BPIFB3: variants seen among roughly 807,000 people sequenced by gnomAD.
BPIFB3 encodes BPI fold containing family B member 3, also known as BPI fold-containing family B member 3.
Under a neutral mutation model 53.1 loss-of-function variants are expected in BPIFB3, and 49 were observed. The observed-to-expected ratio is 0.92, with a 90% CI of 0.73 to 1.17. The LOEUF (loss-of-function observed/expected upper bound fraction) is 1.17, where lower values mean the gene tolerates loss of function less well. Among genes scored for constraint, BPIFB3 ranks in the 50% most tolerant of loss-of-function variants. BPIFB3 has a pLI of 0.00. For synonymous variants in BPIFB3, 271 were observed against 269.6 expected, an observed-to-expected ratio of 1.01 and a Z score of -0.05; for missense variants, 628 against 592.5, an observed-to-expected ratio of 1.06 and a Z score of -0.62.
chr20:33,068,690 C>G (rs952623201), intron 9 of BPIFB3, 113 bp from the exon 11 acceptor site: 17 of 1,124,228 alleles, frequency 1.5e-5, no homozygotes, highest in Admixed American at 7.0e-5. Context: ...CAGGCTGTAA[C>G]CTCGTTGCCC....
At chr20:33,056,601 G>C in exon 2 of BPIFB3, 1 of 1,614,036 alleles carries the variant, frequency 6.2e-7, no homozygotes, top group Non-Finnish European at 8.5e-7. Flanking sequence ...ATCGGTCACA[G>C]CTGTGAACCG....
At chr20:33,063,478 TTCTG>T (rs1455288552) in intron 5 of BPIFB3, 133 bp from the exon 7 acceptor site, 1 of 888,776 alleles carries the variant, frequency 1.1e-6, no homozygotes, top group South Asian at 1.5e-5. Flanking sequence ...CCTGTGTGTC[TTCTG>T]TCTGTCTCTG....
chr20:33,069,886 A>T lies in BPIFB3; in HGVS notation c.1150-2A>T. ...TGACTTCTGCCTGCTTTGCCCATGC[A>T]GGTCATGACTGTGCGTGCCCAGCTG... On this transcript the variant is annotated splice_acceptor_variant, in intron 10 of 14. Coordinates refer to ENST00000375494, the Ensembl canonical transcript of BPIFB3. LOFTEE classifies it high-confidence loss of function. 6.2e-7 allele frequency: 1 copy of T among 1,614,204 alleles called. No homozygotes were observed. Among genetic ancestry groups the T allele is most frequent in the Non-Finnish European group, 8.5e-7 (1 of 1,180,026 alleles).
At chr20:33,069,003 G>A (rs199537029) in intron 10 of BPIFB3, 30 bp downstream of exon 11, 87 of 1,599,306 alleles carry the variant, frequency 5.4e-5, no homozygotes, top group Admixed American at 2.0e-4. Context: ...CTGGGGGCCC[G>A]GCATTGGGGT....
intron 13 of BPIFB3, 72 bp from the exon 15 acceptor site, chr20:33,072,645 G>C (rs952816293): frequency 7.0e-6 from 9 of 1,282,128 alleles, no homozygotes; most frequent in Admixed American, 3.4e-5. Context: ...GGGTCAGCAG[G>C]GTCCGAGGGT....
chr20:33,060,025 T>C, exon 4 of BPIFB3: 1 of 1,613,814 alleles, frequency 6.2e-7, no homozygotes, highest in South Asian at 1.1e-5. Flanking sequence ...ATCAGCCTGT[T>C]CTCAGGGTGA....
chr20:33,071,984 G>C, intron 12 of BPIFB3, 120 bp from the exon 14 acceptor site: 1 of 1,003,040 alleles, frequency 1.0e-6, no homozygotes, highest in South Asian at 1.4e-5. Flanking sequence ...TGTGTCCTCA[G>C]GCTTGGGGGA....
At chr20:33,056,782 T>C in intron 2 of BPIFB3, 84 bp downstream of exon 3, 1 of 1,463,126 alleles carries the variant, frequency 6.8e-7, no homozygotes, top group Non-Finnish European at 9.1e-7. Flanking sequence ...TTGTAATTTG[T>C]CCAATAGGCA....
At chr20:33,056,442 A>G (rs545995052) in intron 1 of BPIFB3, 100 bp from the exon 3 acceptor site, 47 of 1,447,268 alleles carry the variant, frequency 3.2e-5, no homozygotes, top group Non-Finnish European at 4.4e-5. Flanking sequence ...TCCATTTTTA[A>G]AAAGAAGCCT....
chr20:33,059,479 C>T, exon 3 of BPIFB3: 1 of 1,608,664 alleles, frequency 6.2e-7, no homozygotes, highest in Middle Eastern at 1.7e-4. Flanking sequence ...ATGCATTGCT[C>T]TGGGTGAGTG....
intron 2 of BPIFB3, among the ~76,000 whole-genome samples, chr20:33,058,407 C>T (rs1040447359): frequency 1.3e-5 from 2 of 152,114 alleles, no homozygotes; most frequent in African/African-American, 4.8e-5. Context: ...TGTGACTAGC[C>T]CAAGCCCATC....
rs745573511 is a variant in BPIFB3 at position 33,064,570 on chromosome 20, T to G, written c.744+22T>G. The G allele has an allele frequency of 1.3e-5, 21 of 1,612,910 alleles. 1 individual carries two copies. In the South Asian group the frequency reaches 2.3e-4, roughly 18 times the overall value. On this transcript the variant is annotated intron_variant, in intron 7 of 14. Coordinates refer to ENST00000375494, the Ensembl canonical transcript of BPIFB3. ...CAACGTGAGTAACCAGAGGGGCCTC[T>G]CCTCCTGCTGGGGGTGGCTAGATAG...
chr20:33,055,362 G>T, upstream of BPIFB3: 1 of 1,595,058 alleles, frequency 6.3e-7, no homozygotes, highest in South Asian at 1.1e-5. Flanking sequence ...AATGGGAACA[G>T]AGAGGGGAAA....
At chr20:33,072,829 T>C in intron 14 of BPIFB3, 36 bp downstream of exon 15, 1 of 1,527,844 alleles carries the variant, frequency 6.5e-7, no homozygotes, top group Non-Finnish European at 9.1e-7. Flanking sequence ...CAGGTGGGCC[T>C]TAAGCTTGTC....
chr20:33,055,524 T>C, exon 1 of BPIFB3: 1 of 1,613,652 alleles, frequency 6.2e-7, no homozygotes, highest in Non-Finnish European at 8.5e-7. Flanking sequence ...CTCGCTCGGA[T>C]TGACAAGGAT....
At chr20:33,070,019 C>A (rs540900552) in intron 11 of BPIFB3, 64 bp downstream of exon 12, 1 of 1,554,280 alleles carries the variant, frequency 6.4e-7, no homozygotes, top group South Asian at 1.1e-5. Context: ...TAGGGGCTGA[C>A]AGGATCCGCC....
At chr20:33,063,011 CT>C (rs1364506683) in intron 5 of BPIFB3, among the ~76,000 whole-genome samples, 1 of 152,228 alleles carries the variant, frequency 6.6e-6, no homozygotes, top group African/African-American at 2.4e-5. Flanking sequence ...GGACTGCATC[CT>C]CTCTGAGGCT....
intron 10 of BPIFB3, among the ~76,000 whole-genome samples, chr20:33,069,495 C>T (rs2146391386): frequency 6.6e-6 from 1 of 152,256 alleles, no homozygotes; most frequent in Admixed American, 6.5e-5. Context: ...CCAGGTCCTC[C>T]CTCCCTGGCT....
chr20:33,065,734 G>T (rs1443094864), intron 8 of BPIFB3, among the ~76,000 whole-genome samples: 1 of 152,162 alleles, frequency 6.6e-6, no homozygotes, highest in Non-Finnish European at 1.5e-5. Flanking sequence ...ATCCTGGAAA[G>T]CCCAGACCCC....
Sources: gnomAD v4.1 joint callset for allele counts (sites outside exome capture counted in the v4.1 genomes callset) on GRCh38, gnomAD v4.1.1 for gene constraint, MANE v1.5 for transcripts, NCBI Gene and HGNC (gene_info 2026-07-23, HGNC 2026-07-21) for gene names.